The following PDPK1 variants were observed in gnomAD, a reference collection of about 807,000 sequenced individuals.
PDPK1 encodes the protein 3-phosphoinositide dependent protein kinase 1.
Under a neutral mutation model 39.8 loss-of-function variants are expected in PDPK1, and 7 were observed. The ratio of observed to expected loss-of-function variants is 0.18; its 90% confidence interval spans 0.10 to 0.33. The LOEUF (loss-of-function observed/expected upper bound fraction) is 0.33, where lower values mean the gene tolerates loss of function less well. PDPK1 is among the 10% of genes least tolerant of loss of function. PDPK1 has a pLI of 1.00. For synonymous variants in PDPK1, 118 were observed against 159.1 expected (o/e 0.74, Z 1.95); for missense variants, 182 against 384.7 (o/e 0.47, Z 4.41).
At chr16:2,585,154 A>C (rs962233588) in intron 10 of PDPK1, among the ~76,000 whole-genome samples, 2 of 152,106 alleles carry the variant, frequency 1.3e-5, no homozygotes, top group African/African-American at 2.4e-5. Flanking sequence ...GTGTGCTTGC[A>C]CTTGCCGCAT....
At chr16:2,538,746 C>T (rs1377738848) in intron 1 of PDPK1, 17 of 1,286,410 alleles carry the variant, frequency 1.3e-5, no homozygotes, top group Non-Finnish European at 1.5e-5. Flanking sequence ...TGTGCAGGAT[C>T]ACCGAGGGGA....
chr16:2,597,339 G>A lies in PDPK1; in HGVS notation c.1554+64G>A. On this transcript the variant is annotated intron_variant, in intron 13 of 13. Transcript: ENST00000342085. The surrounding 1 kb of genome is among the most constrained non-coding windows in gnomAD (Gnocchi z 6.3). Reference sequence around the variant, plus strand: ...GGGAGGGCTTTGCACCACGTGGGAAGCAGCCACAGGCCTTGGCCAGAGGGA... The same window carrying A: ...GGGAGGGCTTTGCACCACGTGGGAAACAGCCACAGGCCTTGGCCAGAGGGA... 1 of 1,407,246 alleles carries A rather than the reference G, an allele frequency of 7.1e-7. No individual in the cohort carries two copies. The highest frequency in any genetic ancestry group is 9.7e-7 in the Non-Finnish European group (1 of 1,026,358). 87.2% of individuals were successfully genotyped at this position (1,407,246 alleles called of 1,614,324 possible).
chr16:2,553,264 C>T (rs2066451303), intron 1 of PDPK1, among the ~76,000 whole-genome samples: 1 of 136,008 alleles, frequency 7.4e-6, no homozygotes, highest in South Asian at 2.4e-4. Flanking sequence ...CAACCTTGAA[C>T]TCCCAGCCCA....
chr16:2,577,831 C>T lies in PDPK1; in HGVS notation c.785+331C>T, dbSNP rs189103367. On this transcript the variant is annotated intron_variant, in intron 7 of 13. Coordinates refer to ENST00000342085, the MANE Select transcript of PDPK1 (RefSeq NM_002613.5). ...TCTGCTCGCTGCAACCTCCGCCTCC[C>T]GGGTTCAAGCAATTCTCCTGCCTCA... Among the ~76,000 whole-genome samples, 6 of 149,350 alleles carry T rather than the reference C, an allele frequency of 4.0e-5. 1 individual carries two copies. In the East Asian group the frequency reaches 8.1e-4, roughly 20 times the overall value.
chr16:2,586,513 CA>C (rs930617813), intron 10 of PDPK1, among the ~76,000 whole-genome samples, 162 bp from the exon 11 acceptor site: 2 of 152,274 alleles, frequency 1.3e-5, no homozygotes, highest in African/African-American at 4.8e-5. Flanking sequence ...GTTCTGTGGC[CA>C]GGTGTCCCAT....
chr16:2,546,583 G>C (rs2066352184), intron 1 of PDPK1, among the ~76,000 whole-genome samples: 1 of 152,130 alleles, frequency 6.6e-6, no homozygotes, highest in East Asian at 1.9e-4. Flanking sequence ...ATCTGCCTTG[G>C]CCTCCCAAAG....
At chr16:2,552,036 G>A (rs1341802734) in intron 1 of PDPK1, among the ~76,000 whole-genome samples, 1 of 151,104 alleles carries the variant, frequency 6.6e-6, no homozygotes, top group Non-Finnish European at 1.5e-5. Context: ...GTCTCACTGT[G>A]TTGCCCAGGC....
intron 11 of PDPK1, chr16:2,594,068 C>A (rs1330707886): frequency 1.3e-5 from 2 of 152,252 alleles, no homozygotes; most frequent in African/African-American, 4.8e-5. Context: ...GGCCTGGGCA[C>A]TGATCTGCCC....
chr16:2,542,626 G>C (rs144326566), intron 1 of PDPK1, among the ~76,000 whole-genome samples: 2,185 of 152,330 alleles, frequency 0.014, 16 homozygotes, highest in Admixed American at 0.065. Context: ...ATCTGATGAA[G>C]GTGGGCATGT....
In PDPK1 at chr16:2,601,436, C is replaced by T. The variant is rs112703875; in HGVS notation, c.*3669C>T. The T allele has an allele frequency of 0.019, 4,428 of 234,650 alleles. 186 individuals are homozygous for T. The highest frequency in any genetic ancestry group is 0.087 in the African/African-American group (3,945 of 45,426). 14.5% of individuals were successfully genotyped at this position (234,650 alleles called of 1,614,324 possible). On this transcript the variant is annotated 3_prime_UTR_variant, in exon 14 of 14. Coordinates refer to ENST00000342085, the MANE Select transcript of PDPK1 (RefSeq NM_002613.5). Reference sequence around the variant, plus strand: ...TCTGCCTGCATGTCAGCTCTCTGCCCTCCCTGCTGCCGTGGCTTTCAAGCG... The same window carrying T: ...TCTGCCTGCATGTCAGCTCTCTGCCTTCCCTGCTGCCGTGGCTTTCAAGCG...
intron 7 of PDPK1, among the ~76,000 whole-genome samples, chr16:2,577,813 G>A (rs1399737524): frequency 3.4e-5 from 5 of 149,080 alleles, no homozygotes; most frequent in Non-Finnish European, 5.9e-5. Flanking sequence ...ATCTCTGCTC[G>A]CTGCAACCTC....
chr16:2,538,087 G>A lies in PDPK1; in HGVS notation c.-26G>A. ...CGCCGAGCCGCGCAGCGCTGCGGGG[G>A]AGGCGCCCGCGCCGACGCGGGGCCC... On this transcript the variant is annotated 5_prime_UTR_variant, in exon 1 of 14. Transcript: ENST00000342085. 3 of 1,040,972 alleles carry A rather than the reference G, an allele frequency of 2.9e-6. No homozygotes were observed. The highest frequency in any genetic ancestry group is 2.3e-6 in the Non-Finnish European group (2 of 862,730). 64.5% of individuals were successfully genotyped at this position (1,040,972 alleles called of 1,614,324 possible).
At chr16:2,546,491 GC>G (rs1410651499) in intron 1 of PDPK1, among the ~76,000 whole-genome samples, 1 of 152,166 alleles carries the variant, frequency 6.6e-6, no homozygotes, top group Non-Finnish European at 1.5e-5. Flanking sequence ...CTGCCACCAT[GC>G]TGGGCTAATT....
intron 11 of PDPK1, among the ~76,000 whole-genome samples, chr16:2,587,428 GGCAGATGTC>G (rs2141994725): frequency 6.6e-6 from 1 of 152,266 alleles, no homozygotes; most frequent in South Asian, 2.1e-4. Flanking sequence ...TTCCTATTGA[GGCAGATGTC>G]TCCTGTGTTC....
rs559452830 is a variant in PDPK1, at chr16:2,580,117, C to T, written c.786-1178C>T. On this transcript the variant is annotated intron_variant, in intron 7 of 13. Transcript: ENST00000342085. ...CGTGGCTTTTATGCCATTCGAGTCA[C>T]GTTGGACAAGCAGTTTTGAGCCCTG... Among the ~76,000 whole-genome samples, 25 of 148,494 alleles carry T rather than the reference C, an allele frequency of 1.7e-4. 3 individuals carry two copies. In the East Asian group the frequency reaches 4.6e-3, roughly 28 times the overall value.
chr16:2,542,440 T>C (rs1329884706), intron 1 of PDPK1, among the ~76,000 whole-genome samples: 1 of 152,220 alleles, frequency 6.6e-6, no homozygotes, highest in Non-Finnish European at 1.5e-5. Flanking sequence ...ATTACAGGCA[T>C]GAGCCGCCGC....
rs769055116 is a variant in PDPK1, at chr16:2,598,865, G to A, written c.*1098G>A. The A allele has an allele frequency of 4.3e-6, 1 of 233,250 alleles. No individual in the cohort carries two copies. The highest frequency in any genetic ancestry group is 6.0e-5 in the East Asian group (1 of 16,596). The allele number at this position is 233,250 out of a possible 1,614,324, so 14.4% of individuals were successfully genotyped here. The stretch of plus-strand genomic sequence containing the variant: ...ACGCCCCTTTTGTGTTTTGGTTCAA[G>A]TTTCTCAGAGCCCCTCAGAGCTTCT... On this transcript the variant is annotated 3_prime_UTR_variant, in exon 14 of 14. Coordinates refer to ENST00000342085, the MANE Select transcript of PDPK1 (RefSeq NM_002613.5).
In PDPK1 at chr16:2,542,603, G is replaced by A. The variant is rs1242626249; in HGVS notation, c.24+4467G>A. Among the ~76,000 whole-genome samples, 3 of 152,350 alleles carry A rather than the reference G, an allele frequency of 2.0e-5. No homozygotes were observed. In the East Asian group the frequency reaches 5.8e-4, roughly 29 times the overall value. On this transcript the variant is annotated intron_variant, in intron 1 of 13. Transcript: ENST00000342085. ...ACACGGCCCCCTGCAGAATAAACAA[G>A]TGTGTGGTTTCCATCTGATGAAGGT... is the stretch of plus-strand genomic sequence containing the variant.
chr16:2,585,463 G>A (rs1389540488), intron 10 of PDPK1, among the ~76,000 whole-genome samples: 3 of 152,220 alleles, frequency 2.0e-5, no homozygotes, highest in Admixed American at 2.0e-4. Context: ...TCCTTCATGG[G>A]GAATGGGCAC....
Sources: allele counts gnomAD v4.1 joint callset (sites outside exome capture counted in the v4.1 genomes callset), GRCh38; gene constraint gnomAD v4.1.1; non-coding constraint Gnocchi (gnomAD v3.1); transcripts MANE v1.5; gene names NCBI Gene and HGNC (gene_info 2026-07-23, HGNC 2026-07-21).